LRBA: variants seen among roughly 807,000 people sequenced by gnomAD.
The protein encoded by LRBA is lipopolysaccharide-responsive and beige-like anchor protein.
Under a neutral mutation model 330.0 loss-of-function variants are expected in LRBA, and 176 were observed. That is an observed-to-expected ratio of 0.53 (90% CI 0.47 to 0.60). LRBA has a LOEUF of 0.60. Among genes scored for constraint, LRBA ranks in the 20% least tolerant of loss-of-function variants. LRBA has a pLI of 0.00. For missense variants in LRBA, 3,259 were observed against 3,444.8 expected (o/e 0.95, Z 1.35); for synonymous variants, 1,230 against 1,193.0 (o/e 1.03, Z -0.64).
chr4:150,862,123 A>G (rs569140038), intron 22 of LRBA, among the ~76,000 whole-genome samples: 9,061 of 152,216 alleles, frequency 0.06, 811 homozygotes, highest in African/African-American at 0.2. Flanking sequence ...ACAGTGTGGC[A>G]ATTCCTCAAG....
At chr4:150,940,759 T>A (rs1579268454) in intron 2 of LRBA, among the ~76,000 whole-genome samples, 1 of 152,156 alleles carries the variant, frequency 6.6e-6, no homozygotes, top group African/African-American at 2.4e-5. Flanking sequence ...TTAATTTCTA[T>A]GTCTTTTTAT....
intron 38 of LRBA, 62 bp from the exon 39 acceptor site, chr4:150,590,921 T>C: frequency 1.3e-6 from 2 of 1,534,154 alleles, no homozygotes; most frequent in African/African-American, 1.4e-5. Context: ...GGCAGAGGGG[T>C]AGGGGCTTAG....
At position 150,583,281 on chromosome 4, in the gene LRBA, C is replaced by T. The variant is rs931315948; in HGVS notation, c.6330+4767G>A. ...TGGTGCTCTACCTAAACCAGATGGGCGTCTTCAACTTCGTGGACGACGGCT... is the reference window on the plus strand; with the variant it reads ...TGGTGCTCTACCTAAACCAGATGGGTGTCTTCAACTTCGTGGACGACGGCT... On this transcript the variant is annotated intron_variant, in intron 40 of 56. Transcript: ENST00000651943. This position sits in a 1 kb window ranked among gnomAD's most constrained non-coding sequence, Gnocchi z 9.8. 4 of 1,614,080 alleles carry T rather than the reference C, an allele frequency of 2.5e-6. No homozygotes were observed. Among genetic ancestry groups the T allele is most frequent in the East Asian group, 2.2e-5 (1 of 44,884 alleles).
chr4:150,889,293 A>C (rs1447386172), intron 17 of LRBA, among the ~76,000 whole-genome samples: 1 of 149,878 alleles, frequency 6.7e-6, no homozygotes, highest in East Asian at 1.9e-4. Context: ...TTTTCCACAA[A>C]AAAAAAAAAA....
rs554322702 is a variant in LRBA, at chr4:150,477,889, C to A, written c.6552-6150G>T. On this transcript the variant is annotated intron_variant, in intron 42 of 56. Transcript: ENST00000651943. The stretch of plus-strand genomic sequence containing the variant: ...TCCTTATAGCCTGAGGAAACATGAG[C>A]CAATGAAACCCCCTTTCTTTATAAA... Among the ~76,000 whole-genome samples, 6 of 152,036 alleles carry A rather than the reference C, an allele frequency of 3.9e-5. No individual in the cohort carries two copies. The East Asian group carries it at 1.2e-3, about 29-fold the overall frequency.
At chr4:150,370,607 T>C (rs952479853) in intron 47 of LRBA, among the ~76,000 whole-genome samples, 1 of 152,176 alleles carries the variant, frequency 6.6e-6, no homozygotes, top group Non-Finnish European at 1.5e-5. Flanking sequence ...ACTATACATT[T>C]GTCAAAACCT....
chr4:150,590,662 T>C (rs750633415), intron 39 of LRBA, 51 bp downstream of exon 39: 15 of 1,548,576 alleles, frequency 9.7e-6, no homozygotes, highest in African/African-American at 1.4e-5. Context: ...AGTAATTATA[T>C]GCTTATTGTC....
At chr4:150,815,799 C>T (rs909741517) in intron 31 of LRBA, among the ~76,000 whole-genome samples, 6 of 151,762 alleles carry the variant, frequency 4.0e-5, no homozygotes, top group Non-Finnish European at 8.8e-5. Context: ...TTGCTTTTAC[C>T]ATGTAAAGAA....
intron 40 of LRBA, among the ~76,000 whole-genome samples, chr4:150,552,941 C>T (rs1252651422): frequency 4.0e-5 from 6 of 151,638 alleles, no homozygotes; most frequent in East Asian, 1.9e-4. Context: ...TGGTGGCAGG[C>T]GCCTGTAGTC....
intron 2 of LRBA, among the ~76,000 whole-genome samples, chr4:150,987,828 C>T (rs536627506): frequency 6.6e-6 from 1 of 151,724 alleles, no homozygotes; most frequent in Non-Finnish European, 1.5e-5. Context: ...ATGGGGAAAC[C>T]CTGTCTCTAC....
At chr4:150,670,242 T>C (rs917103551) in intron 37 of LRBA, among the ~76,000 whole-genome samples, 12 of 152,214 alleles carry the variant, frequency 7.9e-5, no homozygotes, top group Non-Finnish European at 1.5e-4. Flanking sequence ...TATTAATCTT[T>C]TTACTTTTAA....
chr4:150,856,257 A>C (rs1345121768), intron 22 of LRBA, among the ~76,000 whole-genome samples: 1 of 151,994 alleles, frequency 6.6e-6, no homozygotes, highest in Non-Finnish European at 1.5e-5. Context: ...ATACAGGTCC[A>C]CCTCTCCTGA....
intron 35 of LRBA, among the ~76,000 whole-genome samples, chr4:150,741,160 C>T (rs553398444): frequency 1.1e-4 from 16 of 152,118 alleles, no homozygotes; most frequent in African/African-American, 3.9e-4. Flanking sequence ...AAAATAGTGA[C>T]AAAATGAACT....
intron 2 of LRBA, among the ~76,000 whole-genome samples, chr4:150,956,770 G>C (rs1178035057): frequency 6.7e-6 from 1 of 148,862 alleles, no homozygotes; most frequent in Non-Finnish European, 1.5e-5. Context: ...AAAACCACAT[G>C]ATCATCTCAA....
At chr4:151,013,395 C>T (rs2149679969) in intron 2 of LRBA, 1 of 152,286 alleles carries the variant, frequency 6.6e-6, no homozygotes, top group South Asian at 2.1e-4. Flanking sequence ...AAGCCAGGCA[C>T]AATGGCGCAT....
At chr4:150,840,235 A>G (rs1308342387) in intron 28 of LRBA, among the ~76,000 whole-genome samples, 1 of 152,198 alleles carries the variant, frequency 6.6e-6, no homozygotes, top group Non-Finnish European at 1.5e-5. Flanking sequence ...TGCTCACTGG[A>G]GTAATCGTTT....
chr4:150,290,340 C>T (rs1553991290), intron 53 of LRBA, among the ~76,000 whole-genome samples: 2 of 152,080 alleles, frequency 1.3e-5, no homozygotes, highest in South Asian at 2.1e-4. Context: ...TGAAAAATAT[C>T]AAGTTAATTC....
intron 40 of LRBA, among the ~76,000 whole-genome samples, chr4:150,571,689 T>C (rs530843556): frequency 7.0e-6 from 1 of 143,708 alleles, no homozygotes; most frequent in Admixed American, 7.3e-5. Flanking sequence ...AATTTTCAGT[T>C]GCACTGGACA....
chr4:150,859,154 T>G (rs1458921892), intron 22 of LRBA, among the ~76,000 whole-genome samples: 1 of 152,130 alleles, frequency 6.6e-6, no homozygotes, highest in African/African-American at 2.4e-5. Flanking sequence ...TCCAAGATAA[T>G]TAAGGACTTT....
Sources: allele counts gnomAD v4.1 joint callset (sites outside exome capture counted in the v4.1 genomes callset), GRCh38; gene constraint gnomAD v4.1.1; non-coding constraint Gnocchi (gnomAD v3.1); transcripts MANE v1.5; gene names NCBI Gene and HGNC (gene_info 2026-07-23, HGNC 2026-07-21).